The following ERBB4 variants were observed in gnomAD, a reference collection of about 807,000 sequenced individuals.
ERBB4 encodes the protein receptor tyrosine-protein kinase erbB-4.
Under a neutral mutation model 158.0 loss-of-function variants are expected in ERBB4, and 42 were observed. That is an observed-to-expected ratio of 0.27 (90% CI 0.21 to 0.34). The LOEUF (loss-of-function observed/expected upper bound fraction) is 0.34. Among genes scored for constraint, ERBB4 ranks in the 10% least tolerant of loss-of-function variants. The pLI is 1.00. For missense variants in ERBB4, 1,333 were observed against 1,624.1 expected (o/e 0.82, Z 3.08); for synonymous variants, 583 against 558.7 (o/e 1.04, Z -0.61).
intron 2 of ERBB4, among the ~76,000 whole-genome samples, chr2:212,032,103 C>T (rs1375758666): frequency 6.6e-6 from 1 of 152,008 alleles, no homozygotes; most frequent in East Asian, 1.9e-4. Context: ...TGAAAGTGTA[C>T]AATTTTCAAA....
At chr2:212,296,561 T>TTC (rs1318451499) in intron 1 of ERBB4, among the ~76,000 whole-genome samples, 6 of 151,898 alleles carry the variant, frequency 4.0e-5, no homozygotes, top group African/African-American at 1.4e-4. Context: ...CTCCATCCTC[T>TTC]TCTCTCTCTC....
chr2:211,447,610 C>CTATT, intron 20 of ERBB4, among the ~76,000 whole-genome samples: 1 of 152,258 alleles, frequency 6.6e-6, no homozygotes, highest in South Asian at 2.1e-4. Context: ...TTACTTTCTA[C>CTATT]TATTTGGAAA....
intron 2 of ERBB4, among the ~76,000 whole-genome samples, chr2:211,975,920 T>C (rs956985912): frequency 3.3e-5 from 5 of 152,156 alleles, no homozygotes; most frequent in South Asian, 2.1e-4. Flanking sequence ...TATTATTCTA[T>C]TTAAATGTTA....
chr2:212,535,881 A>G (rs1046620560), intron 1 of ERBB4, among the ~76,000 whole-genome samples: 1 of 152,184 alleles, frequency 6.6e-6, no homozygotes, highest in Non-Finnish European at 1.5e-5. Context: ...CTATATTTTT[A>G]TTCTGTTCAC....
chr2:211,411,998 ATAT>A (rs1420105956), intron 25 of ERBB4, among the ~76,000 whole-genome samples: 1 of 152,176 alleles, frequency 6.6e-6, no homozygotes, highest in African/African-American at 2.4e-5. Flanking sequence ...GATTAGAGTA[ATAT>A]TATAGTAACT....
intron 1 of ERBB4, among the ~76,000 whole-genome samples, chr2:212,234,614 C>T (rs556386462): frequency 6.6e-5 from 10 of 152,270 alleles, no homozygotes; most frequent in Admixed American, 4.6e-4. Context: ...TAAAAGCGTT[C>T]GTATTTGTCC....
At chr2:211,596,800 T>G (rs1170330645) in intron 19 of ERBB4, among the ~76,000 whole-genome samples, 1 of 152,136 alleles carries the variant, frequency 6.6e-6, no homozygotes, top group Non-Finnish European at 1.5e-5. Flanking sequence ...GTTTCACTCT[T>G]GTTGTTCAGC....
At chr2:212,288,475 G>A (rs1234152268) in intron 1 of ERBB4, among the ~76,000 whole-genome samples, 1 of 152,056 alleles carries the variant, frequency 6.6e-6, no homozygotes, top group African/African-American at 2.4e-5. Context: ...TGAGCACTGG[G>A]AGGAATGCGC....
At chr2:211,572,605 C>T (rs1450584487) in intron 19 of ERBB4, among the ~76,000 whole-genome samples, 2 of 152,162 alleles carry the variant, frequency 1.3e-5, no homozygotes, top group African/African-American at 4.8e-5. Context: ...TAGTGAGGGT[C>T]ACAGCTGCCG....
chr2:212,280,932 C>T (rs114291903), intron 1 of ERBB4, among the ~76,000 whole-genome samples: 3,471 of 151,626 alleles, frequency 0.023, 57 homozygotes, highest in Non-Finnish European at 0.037. Context: ...GACCTAGATC[C>T]GAGGACTTGA....
At chr2:211,603,188 G>A (rs562480906) in intron 19 of ERBB4, among the ~76,000 whole-genome samples, 116 of 152,134 alleles carry the variant, frequency 7.6e-4, no homozygotes, top group African/African-American at 2.7e-3. Flanking sequence ...CCGAGATCGC[G>A]TCACTGCACT....
intron 19 of ERBB4, among the ~76,000 whole-genome samples, chr2:211,585,126 G>A (rs1325138524): frequency 1.3e-5 from 2 of 152,096 alleles, no homozygotes; most frequent in African/African-American, 2.4e-5. Context: ...GCCGAGGCGG[G>A]CGGATCACGA....
chr2:212,116,450 ATTG>A (rs1202175686), intron 2 of ERBB4, among the ~76,000 whole-genome samples: 1 of 152,068 alleles, frequency 6.6e-6, no homozygotes, highest in East Asian at 1.9e-4. Flanking sequence ...TGGTTTATTT[ATTG>A]TTGTTTTTTC....
At chr2:211,459,180 G>T (rs1220161712) in intron 20 of ERBB4, among the ~76,000 whole-genome samples, 1 of 152,168 alleles carries the variant, frequency 6.6e-6, no homozygotes, top group Non-Finnish European at 1.5e-5. Context: ...GTCAGCATAT[G>T]TCAGTGTTCA....
rs113951385 is a variant in ERBB4 at position 212,233,263 on chromosome 2, A to T, written c.83-108360T>A. 4.8e-3 allele frequency among the ~76,000 whole-genome samples: 730 copies of T among 152,276 alleles called. 7 individuals are homozygous for T. Among genetic ancestry groups the T allele is most frequent in the Middle Eastern group, 0.017 (5 of 294 alleles). On this transcript the variant is annotated intron_variant, in intron 1 of 27. Transcript: ENST00000342788. ...GAGTTTCACTTCAGGGAAATTCATA[A>T]ATCTTGAAATCCACTCTAACCCCAC... is the stretch of plus-strand genomic sequence containing the variant.
chr2:211,855,936 G>A (rs2077847332), intron 3 of ERBB4, among the ~76,000 whole-genome samples: 1 of 152,132 alleles, frequency 6.6e-6, no homozygotes. Flanking sequence ...TTCTACAGAT[G>A]AATGATTAAA....
Position 211,474,123 on chromosome 2 carries a change from T to C in ERBB4, c.2488-43023A>G, listed in dbSNP as rs142523832. Among the ~76,000 whole-genome samples the C allele has an allele frequency of 5.5e-3, 842 of 152,204 alleles. 3 individuals are homozygous for C. The highest frequency in any genetic ancestry group is 0.019 in the African/African-American group (791 of 41,562). On this transcript the variant is annotated intron_variant, in intron 20 of 27. Coordinates refer to ENST00000342788, the MANE Select transcript of ERBB4 (RefSeq NM_005235.3). ...CACTTATGAAGTATTTGGCCACTTGTGTAAGATAATATTTTATCTGGCTTT... is the reference window on the plus strand; with the variant it reads ...CACTTATGAAGTATTTGGCCACTTGCGTAAGATAATATTTTATCTGGCTTT...
intron 3 of ERBB4, among the ~76,000 whole-genome samples, chr2:211,929,527 G>A (rs913852722): frequency 2.0e-5 from 3 of 151,942 alleles, no homozygotes; most frequent in Admixed American, 6.6e-5. Flanking sequence ...CAGCCTGTGG[G>A]CACATTTCCC....
intron 16 of ERBB4, among the ~76,000 whole-genome samples, chr2:211,632,338 G>C (rs1224967653): frequency 1.3e-5 from 2 of 151,970 alleles, no homozygotes; most frequent in African/African-American, 4.8e-5. Flanking sequence ...TCAACCAAAG[G>C]TATAATTTTT....
Sources: gnomAD v4.1 joint callset for allele counts (sites outside exome capture counted in the v4.1 genomes callset) on GRCh38, gnomAD v4.1.1 for gene constraint, MANE v1.5 for transcripts, NCBI Gene and HGNC (gene_info 2026-07-23, HGNC 2026-07-21) for gene names.